The following POU6F2 variants were observed in gnomAD, a reference collection of about 807,000 sequenced individuals.
The protein encoded by POU6F2 is POU domain, class 6, transcription factor 2.
In POU6F2, 31 loss-of-function variants were observed where a neutral mutation model predicts 71.3. The ratio of observed to expected loss-of-function variants is 0.43; its 90% CI spans 0.33 to 0.59. The LOEUF (loss-of-function observed/expected upper bound fraction) is 0.59. POU6F2 is among the 20% of genes least tolerant of loss of function. The probability of loss-of-function intolerance (pLI) is 0.04; values close to 1 mark genes in which losing one functional copy is unlikely to be tolerated. For synonymous variants in POU6F2, 347 were observed against 355.7 expected (o/e 0.98, Z 0.27); for missense variants, 783 against 856.8 (o/e 0.91, Z 1.07).
At chr7:39,319,087 A>G (rs1785331033) in intron 4 of POU6F2, among the ~76,000 whole-genome samples, 1 of 152,218 alleles carries the variant, frequency 6.6e-6, no homozygotes, top group African/African-American at 2.4e-5. Context: ...AGCCATGATC[A>G]CACCACTGCA....
intron 1 of POU6F2, among the ~76,000 whole-genome samples, chr7:39,003,497 T>C (rs1262956563): frequency 6.6e-6 from 1 of 151,276 alleles, no homozygotes; most frequent in Admixed American, 6.6e-5. Context: ...TCCCAGCACT[T>C]TGGGACGCTG....
At chr7:38,984,830 C>G (rs1194450310) in intron 1 of POU6F2, 4 of 152,098 alleles carry the variant, frequency 2.6e-5, no homozygotes. Flanking sequence ...TTATCTCTAA[C>G]ATCTAAAAAC....
chr7:39,291,002 G>A (rs1318702871), intron 4 of POU6F2, among the ~76,000 whole-genome samples: 5 of 111,474 alleles, frequency 4.5e-5, no homozygotes, highest in Admixed American at 2.2e-4. Context: ...AATATTTAGA[G>A]GCAAAGAGGA....
At position 39,275,653 on chromosome 7, in the gene POU6F2, A is replaced by G. The variant is rs529583972; in HGVS notation, c.599-63989A>G. 1.1e-4 allele frequency among the ~76,000 whole-genome samples: 17 copies of G among 152,320 alleles called. No homozygotes were observed. The South Asian group carries it at 3.5e-3, about 32-fold the overall frequency. On this transcript the variant is annotated intron_variant, in intron 4 of 9. Transcript: ENST00000518318. ...ATCGTGCTACCTGACTTCAAACTAT[A>G]CTACAAGGCTACAGTAACCAAAACA...
rs1057183667 is a variant in POU6F2, at chr7:39,460,814, G to A, written c.1658+99G>A. On this transcript the variant is annotated intron_variant, in intron 9 of 9. Transcript: ENST00000518318. The surrounding 1 kb of genome is among the most constrained non-coding windows in gnomAD (Gnocchi z 4.4). ...TTCGTCGGGTGGGCAAAGCTGGAGG[G>A]GCAGAGAGTGGGAACAAAGTTTGGG... 4.3e-5 allele frequency: 57 copies of A among 1,333,180 alleles called. No individual in the cohort carries two copies. Among genetic ancestry groups the A allele is most frequent in the Non-Finnish European group, 5.7e-5 (57 of 1,006,980 alleles). The allele number at this position is 1,333,180 out of a possible 1,614,324, so 82.6% of individuals were successfully genotyped here. A position where few individuals can be genotyped will look rare whatever the true frequency, so the allele number is the denominator to read the frequency against.
At chr7:39,094,203 G>T (rs997843046) in intron 2 of POU6F2, among the ~76,000 whole-genome samples, 1 of 152,082 alleles carries the variant, frequency 6.6e-6, no homozygotes, top group African/African-American at 2.4e-5. Flanking sequence ...CTGAGCACGG[G>T]AGACAAGAAG....
chr7:39,390,683 G>A (rs192521765), intron 5 of POU6F2, among the ~76,000 whole-genome samples: 163 of 152,094 alleles, frequency 1.1e-3, no homozygotes, highest in African/African-American at 3.0e-3. Flanking sequence ...TTAAATCGGC[G>A]GATAACAAAG....
At chr7:39,185,821 G>A (rs368735076) in intron 2 of POU6F2, among the ~76,000 whole-genome samples, 1 of 54,370 alleles carries the variant, frequency 1.8e-5, no homozygotes. Flanking sequence ...ATATGTATAT[G>A]TATATGTATA....
intron 1 of POU6F2, among the ~76,000 whole-genome samples, chr7:39,035,373 A>G (rs1225787361): frequency 6.6e-6 from 1 of 152,078 alleles, no homozygotes; most frequent in Non-Finnish European, 1.5e-5. Context: ...GCTGTATGTC[A>G]TTTAGGGAAA....
chr7:39,461,855 ACTG>A (rs1788957240), intron 9 of POU6F2, among the ~76,000 whole-genome samples: 2 of 152,316 alleles, frequency 1.3e-5, no homozygotes, highest in African/African-American at 2.4e-5. Flanking sequence ...CAAGGATACT[ACTG>A]CTGGGAAATT....
At chr7:39,196,015 C>A (rs1178702224) in intron 2 of POU6F2, among the ~76,000 whole-genome samples, 1 of 152,184 alleles carries the variant, frequency 6.6e-6, no homozygotes. Flanking sequence ...AAAGCCAGCT[C>A]TTGGTAATTC....
intron 2 of POU6F2, among the ~76,000 whole-genome samples, chr7:39,105,434 G>A (rs1562707906): frequency 6.9e-6 from 1 of 145,868 alleles, no homozygotes; most frequent in African/African-American, 2.5e-5. Flanking sequence ...TTAACCTCAG[G>A]TTTTTTTTTT....
intron 4 of POU6F2, among the ~76,000 whole-genome samples, chr7:39,218,557 A>G (rs971469829): frequency 3.3e-5 from 5 of 152,110 alleles, no homozygotes; most frequent in African/African-American, 1.2e-4. Context: ...CCTCCTATGA[A>G]TTGTGCCCAA....
At chr7:39,363,522 G>A (rs1469558942) in intron 5 of POU6F2, among the ~76,000 whole-genome samples, 1 of 151,488 alleles carries the variant, frequency 6.6e-6, no homozygotes, top group African/African-American at 2.4e-5. Flanking sequence ...GTGTACTGCT[G>A]GTATGTAAAG....
intron 5 of POU6F2, among the ~76,000 whole-genome samples, chr7:39,371,442 G>A (rs1352186334): frequency 1.3e-5 from 2 of 152,174 alleles, no homozygotes; most frequent in Non-Finnish European, 2.9e-5. Flanking sequence ...GCCTCCCAAA[G>A]TGCTGGGATT....
chr7:39,292,317 G>A (rs927755089), intron 4 of POU6F2, among the ~76,000 whole-genome samples: 5 of 152,090 alleles, frequency 3.3e-5, no homozygotes, highest in East Asian at 1.9e-4. Context: ...TCCATTCCCC[G>A]TCCACGGGCT....
intron 4 of POU6F2, among the ~76,000 whole-genome samples, chr7:39,218,733 G>A (rs551198401): frequency 6.6e-6 from 1 of 152,198 alleles, no homozygotes; most frequent in East Asian, 1.9e-4. Context: ...CGTTAACAAG[G>A]TGGGTTTGAT....
intron 4 of POU6F2, among the ~76,000 whole-genome samples, chr7:39,217,240 G>A (rs1164542979): frequency 6.6e-6 from 1 of 151,886 alleles, no homozygotes; most frequent in Non-Finnish European, 1.5e-5. Context: ...GCAATTCTAT[G>A]CATTCATTAT....
intron 5 of POU6F2, chr7:39,373,664 T>C (rs1583558185): frequency 5.4e-6 from 2 of 368,684 alleles, no homozygotes; most frequent in Admixed American, 3.4e-5. Context: ...GGTCTCCTTA[T>C]TGAATAAAGA....
Sources: allele counts gnomAD v4.1 joint callset (sites outside exome capture counted in the v4.1 genomes callset), GRCh38; gene constraint gnomAD v4.1.1; non-coding constraint Gnocchi (gnomAD v3.1); transcripts MANE v1.5; gene names NCBI Gene and HGNC (gene_info 2026-07-23, HGNC 2026-07-21).